The following ATF7 variants were observed in gnomAD, a reference collection of about 807,000 sequenced individuals.
ATF7 encodes activating transcription factor 7.
A neutral mutation model predicts 50.4 loss-of-function variants in ATF7; 10 were observed. That is an observed-to-expected ratio of 0.20 (90% CI 0.12 to 0.34). ATF7 has a LOEUF of 0.34. Among genes scored for constraint, ATF7 ranks in the 10% least tolerant of loss-of-function variants. The pLI is 1.00. For missense variants in ATF7, 465 were observed against 613.9 expected (o/e 0.76, Z 2.56); for synonymous variants, 201 against 226.4 (o/e 0.89, Z 1.01).
At chr12:53,581,936 A>G (rs903645194) in intron 2 of ATF7, among the ~76,000 whole-genome samples, 9 of 152,058 alleles carry the variant, frequency 5.9e-5, no homozygotes, top group African/African-American at 2.2e-4. Context: ...CAGCCTGGTC[A>G]ACACTGCAAG....
Position 53,517,133 on chromosome 12 carries a change from G to A in ATF7, c.*4C>T. The A allele has an allele frequency of 1.2e-5, 20 of 1,609,586 alleles. No homozygotes were observed. The highest frequency in any genetic ancestry group is 1.6e-5 in the Non-Finnish European group (19 of 1,179,828). On this transcript the variant is annotated 3_prime_UTR_variant, in exon 12 of 12. Coordinates refer to ENST00000420353, the MANE Select transcript of ATF7 (RefSeq NM_006856.3). The stretch of plus-strand genomic sequence containing the variant: ...GGCTGAGGACCTCTCCACCAGAGGA[G>A]GCATCATCTGCCCGCAGACTGGGAC...
intron 2 of ATF7, among the ~76,000 whole-genome samples, chr12:53,563,686 GCC>G (rs1192461319): frequency 6.6e-6 from 1 of 152,210 alleles, no homozygotes; most frequent in Non-Finnish European, 1.5e-5. Context: ...CTTTTCACCT[GCC>G]CCACCTCTGG....
chr12:53,570,736 CGTGTGTGTGTGTGTGTGTGT>C (rs57842916), intron 2 of ATF7, among the ~76,000 whole-genome samples: 2 of 143,692 alleles, frequency 1.4e-5, no homozygotes, highest in South Asian at 2.3e-4. Flanking sequence ...CTCCTGTGTG[CGTGTGTGTGTGTGTGTGTGT>C]GTGTGTGTGT....
chr12:53,607,225 T>C (rs561762234), intron 1 of ATF7, among the ~76,000 whole-genome samples: 2 of 152,326 alleles, frequency 1.3e-5, no homozygotes, highest in African/African-American at 2.4e-5. Context: ...CCAGCACCTG[T>C]TGTTTCCTAA....
chr12:53,620,041 C>G (rs1464457284), intron 1 of ATF7, among the ~76,000 whole-genome samples: 2 of 151,988 alleles, frequency 1.3e-5, no homozygotes, highest in Non-Finnish European at 2.9e-5. Flanking sequence ...ACTCAGGAGG[C>G]TGAGGTAGGA....
intron 1 of ATF7, among the ~76,000 whole-genome samples, chr12:53,605,476 G>T (rs1156948712): frequency 6.6e-6 from 1 of 151,222 alleles, no homozygotes; most frequent in Non-Finnish European, 1.5e-5. Context: ...CACATTTAGT[G>T]AGTTTTAAAA....
intron 3 of ATF7, among the ~76,000 whole-genome samples, chr12:53,544,549 C>T (rs960866080): frequency 1.3e-5 from 2 of 152,046 alleles, no homozygotes; most frequent in African/African-American, 2.4e-5. Context: ...AAGTTTGAGA[C>T]CAGCCTGGCC....
At chr12:53,576,824 G>A (rs1396983809) in intron 2 of ATF7, among the ~76,000 whole-genome samples, 1 of 152,158 alleles carries the variant, frequency 6.6e-6, no homozygotes, top group Non-Finnish European at 1.5e-5. Flanking sequence ...GGAGGCTGAG[G>A]TGGGTGAATC....
chr12:53,579,551 C>CAAA (rs532383571), intron 2 of ATF7, among the ~76,000 whole-genome samples: 1 of 60,642 alleles, frequency 1.6e-5, no homozygotes, highest in South Asian at 6.0e-4. Context: ...AACTCCGTCT[C>CAAA]AAAAAAAAAA....
In ATF7 at chr12:53,517,024, T is replaced by C; in HGVS notation, c.*113A>G. On this transcript the variant is annotated 3_prime_UTR_variant, in exon 12 of 12. Transcript: ENST00000420353. The stretch of plus-strand genomic sequence containing the variant: ...TCTGTCCATTACTCACAACACACAA[T>C]TCCCCCCACCCATATTGCCATGTCC... 1 of 1,179,598 alleles carries C rather than the reference T, an allele frequency of 8.5e-7. No homozygotes were observed. Among genetic ancestry groups the C allele is most frequent in the Non-Finnish European group, 1.2e-6 (1 of 821,046 alleles). 73.1% of individuals were successfully genotyped at this position (1,179,598 alleles called of 1,614,324 possible). A position where few individuals can be genotyped will look rare whatever the true frequency, so the allele number is the denominator to read the frequency against.
intron 2 of ATF7, among the ~76,000 whole-genome samples, chr12:53,556,963 G>C (rs1483486013): frequency 1.3e-5 from 2 of 152,062 alleles, no homozygotes; most frequent in Non-Finnish European, 2.9e-5. Flanking sequence ...TCATTATGTT[G>C]CCCAGGCTGT....
At chr12:53,537,673 A>G in intron 4 of ATF7, 121 bp from the exon 5 acceptor site, 1 of 1,120,508 alleles carries the variant, frequency 8.9e-7, no homozygotes, top group Non-Finnish European at 1.3e-6. Context: ...TATACAATGC[A>G]CTGAACTGCA....
intron 1 of ATF7, among the ~76,000 whole-genome samples, chr12:53,612,102 A>AGCACCTGGGGCTACGGGCTC (rs1476796124): frequency 4.0e-5 from 6 of 150,864 alleles, no homozygotes; most frequent in African/African-American, 1.5e-4. Flanking sequence ...CAGCCTCCCG[A>AGCACCTGGGGCTACGGGCTC]GCACCTGGGG....
At chr12:53,530,965 G>C (rs1458662673) in intron 9 of ATF7, among the ~76,000 whole-genome samples, 2 of 152,080 alleles carry the variant, frequency 1.3e-5, no homozygotes, top group Non-Finnish European at 2.9e-5. Context: ...TATTGTTATG[G>C]TTTTTGTTGT....
chr12:53,531,226 G>A (rs552015292), intron 9 of ATF7, among the ~76,000 whole-genome samples: 5 of 151,994 alleles, frequency 3.3e-5, no homozygotes, highest in Admixed American at 2.0e-4. Context: ...TTGGAGACCA[G>A]CCTGGCCAAC....
At chr12:53,599,660 C>G (rs1431501289) in intron 2 of ATF7, among the ~76,000 whole-genome samples, 1 of 152,004 alleles carries the variant, frequency 6.6e-6, no homozygotes, top group East Asian at 1.9e-4. Context: ...TGTCACCACC[C>G]CCATTTTATC....
chr12:53,554,345 G>A (rs983205413), intron 2 of ATF7, among the ~76,000 whole-genome samples: 22 of 151,586 alleles, frequency 1.5e-4, no homozygotes, highest in African/African-American at 5.3e-4. Context: ...TGGTCAGGGT[G>A]GTCTTGAACT....
rs1284393708 is a variant in ATF7, at chr12:53,517,034, C to T, written c.*103G>A. ...ACTCACAACACACAATTCCCCCCAC[C>T]CATATTGCCATGTCCAAGGCAGATG... On this transcript the variant is annotated 3_prime_UTR_variant, in exon 12 of 12. Coordinates refer to ENST00000420353, the MANE Select transcript of ATF7 (RefSeq NM_006856.3). 8.0e-7 allele frequency: 1 copy of T among 1,256,744 alleles called. No homozygotes were observed. The allele number at this position is 1,256,744 out of a possible 1,614,324, so 77.8% of individuals were successfully genotyped here.
Position 53,566,763 on chromosome 12 carries a change from CTT to C in ATF7, c.49-14128_49-14127del, listed in dbSNP as rs547777551. Among the ~76,000 whole-genome samples the C allele has an allele frequency of 2.2e-3, 334 of 151,776 alleles. 2 individuals carry two copies. The highest frequency in any genetic ancestry group is 7.9e-3 in the African/African-American group (325 of 41,378). On this transcript the variant is annotated intron_variant, in intron 2 of 11. Transcript: ENST00000420353. ...CAGTTTTTTTTTGTTTTTGTTTTTGCTTTGTTTTGAGATGCAGTCTTGCTCTC... is the reference window on the plus strand; with the variant it reads ...CAGTTTTTTTTTGTTTTTGTTTTTGCTGTTTTGAGATGCAGTCTTGCTCTC...
Sources: gnomAD v4.1 joint callset for allele counts (sites outside exome capture counted in the v4.1 genomes callset) on GRCh38, gnomAD v4.1.1 for gene constraint, MANE v1.5 for transcripts, NCBI Gene and HGNC (gene_info 2026-07-23, HGNC 2026-07-21) for gene names.